Variants in ASIC2 observed in about 807,000 individuals in gnomAD.
ASIC2 encodes acid sensing ion channel subunit 2.
Under a neutral mutation model 57.3 loss-of-function variants are expected in ASIC2, and 25 were observed. The observed-to-expected ratio is 0.44, with a 90% CI of 0.32 to 0.61. The LOEUF (loss-of-function observed/expected upper bound fraction) is 0.61. Among genes scored for constraint, ASIC2 ranks in the 20% least tolerant of loss-of-function variants. The pLI, the probability that ASIC2 is intolerant of heterozygous loss-of-function variation, is 0.06. For synonymous variants in ASIC2, 319 were observed against 307.5 expected (o/e 1.04, Z -0.39); for missense variants, 641 against 738.1 (o/e 0.87, Z 1.52).
chr17:33,528,148 C>T (rs1914940366), intron 1 of ASIC2, among the ~76,000 whole-genome samples: 1 of 46,322 alleles, frequency 2.2e-5, no homozygotes, highest in Admixed American at 2.2e-4. Context: ...CTGGGCCTGG[C>T]TGACCCGTGT....
intron 1 of ASIC2, chr17:34,002,816 A>G (rs995349366): frequency 1.3e-5 from 2 of 152,206 alleles, no homozygotes; most frequent in Admixed American, 6.5e-5. Context: ...ATACTGACTG[A>G]TACCTCCACA....
At chr17:33,472,024 T>G (rs1343614870) in intron 1 of ASIC2, among the ~76,000 whole-genome samples, 1 of 148,712 alleles carries the variant, frequency 6.7e-6, no homozygotes, top group African/African-American at 2.5e-5. Context: ...ACTTTTCTTT[T>G]TTTTTTTTTT....
chr17:33,679,497 G>T (rs889854919), intron 1 of ASIC2, among the ~76,000 whole-genome samples: 2 of 152,180 alleles, frequency 1.3e-5, no homozygotes, highest in African/African-American at 4.8e-5. Context: ...GGGCTCTGTG[G>T]TCCTGGGAGA....
chr17:33,480,986 T>G (rs1913385632), intron 1 of ASIC2, among the ~76,000 whole-genome samples: 1 of 152,212 alleles, frequency 6.6e-6, no homozygotes, highest in Non-Finnish European at 1.5e-5. Flanking sequence ...TCAACTGTCT[T>G]CTGTCACCCA....
At chr17:33,543,546 G>C (rs558362988) in intron 1 of ASIC2, among the ~76,000 whole-genome samples, 2 of 152,270 alleles carry the variant, frequency 1.3e-5, no homozygotes, top group South Asian at 2.1e-4. Context: ...GCAAGCAATT[G>C]ATTGGCCTAT....
intron 1 of ASIC2, chr17:33,936,657 C>T (rs997353534): frequency 5.3e-5 from 8 of 152,310 alleles, no homozygotes; most frequent in African/African-American, 1.9e-4. Context: ...TGGAGCGCCC[C>T]GCAGAACCAC....
chr17:33,497,855 G>C (rs1342657580), intron 1 of ASIC2, among the ~76,000 whole-genome samples: 1 of 152,228 alleles, frequency 6.6e-6, no homozygotes, highest in Admixed American at 6.5e-5. Context: ...GGCACCTAGA[G>C]AGTGTCACTA....
chr17:33,055,747 A>G (rs552573666), intron 3 of ASIC2, among the ~76,000 whole-genome samples: 1 of 152,142 alleles, frequency 6.6e-6, no homozygotes, highest in East Asian at 1.9e-4. Flanking sequence ...CCCAGATGGC[A>G]CTGTTTGAGC....
At position 33,424,063 on chromosome 17, in the gene ASIC2, C is replaced by T. The variant is rs575827730; in HGVS notation, c.556-311996G>A. Among the ~76,000 whole-genome samples the T allele has an allele frequency of 3.3e-5, 5 of 152,288 alleles. No homozygotes were observed. In the South Asian group the frequency reaches 1.0e-3, roughly 32 times the overall value. On this transcript the variant is annotated intron_variant, in intron 1 of 9. Transcript: ENST00000359872. ...ACTCCCCTTCTACCCCAGGAGATGC[C>T]TTGGGGGGCTGGCATCATCTCTGCC...
At chr17:33,900,860 A>G (rs944442789) in intron 1 of ASIC2, among the ~76,000 whole-genome samples, 3 of 152,208 alleles carry the variant, frequency 2.0e-5, no homozygotes, top group Admixed American at 2.0e-4. Flanking sequence ...ACCTGCAAAC[A>G]GGATGCATGA....
chr17:33,645,033 T>C (rs1906697150), intron 1 of ASIC2, among the ~76,000 whole-genome samples: 1 of 152,214 alleles, frequency 6.6e-6, no homozygotes, highest in African/African-American at 2.4e-5. Context: ...GAAACATTAT[T>C]ATAGTTTATT....
intron 1 of ASIC2, among the ~76,000 whole-genome samples, chr17:33,403,485 G>T (rs1367392220): frequency 2.0e-5 from 3 of 152,280 alleles, no homozygotes; most frequent in South Asian, 4.2e-4. Context: ...GTTAAATTAA[G>T]ACTGTCTATC....
chr17:33,791,405 A>T (rs942978990), intron 1 of ASIC2, among the ~76,000 whole-genome samples: 1 of 152,306 alleles, frequency 6.6e-6, no homozygotes, highest in Admixed American at 6.5e-5. Flanking sequence ...CATGGTATAG[A>T]TTCCTTTTGC....
At chr17:33,936,181 G>A (rs1455266351) in intron 1 of ASIC2, 5 of 152,276 alleles carry the variant, frequency 3.3e-5, no homozygotes, top group African/African-American at 1.2e-4. Context: ...CAAGCTGAAA[G>A]TTTCGGACCC....
intron 1 of ASIC2, among the ~76,000 whole-genome samples, chr17:33,222,415 T>C (rs1364085242): frequency 6.6e-6 from 1 of 152,208 alleles, no homozygotes; most frequent in Non-Finnish European, 1.5e-5. Context: ...TACTTAGGGC[T>C]GTGGAGAATG....
At chr17:33,840,917 T>C (rs1411289313) in intron 1 of ASIC2, among the ~76,000 whole-genome samples, 1 of 152,020 alleles carries the variant, frequency 6.6e-6, no homozygotes, top group African/African-American at 2.4e-5. Flanking sequence ...TAGTCTGTCA[T>C]GAAGAAAGGA....
chr17:33,579,249 G>A (rs558983615), intron 1 of ASIC2, among the ~76,000 whole-genome samples: 1 of 142,500 alleles, frequency 7.0e-6, no homozygotes, highest in East Asian at 2.0e-4. Flanking sequence ...TCACACCATT[G>A]CACTCCAGCC....
At chr17:33,152,463 T>G (rs1187098949) in intron 1 of ASIC2, among the ~76,000 whole-genome samples, 1 of 152,084 alleles carries the variant, frequency 6.6e-6, no homozygotes, top group Non-Finnish European at 1.5e-5. Context: ...AAGGATGAAA[T>G]GATTCAGATA....
At chr17:34,137,779 C>G (rs1202172429) in intron 1 of ASIC2, among the ~76,000 whole-genome samples, 5 of 152,108 alleles carry the variant, frequency 3.3e-5, no homozygotes, top group African/African-American at 1.2e-4. Flanking sequence ...ATAGATGGTG[C>G]CTTCTAGCTG....
Sources: allele counts gnomAD v4.1 joint callset (sites outside exome capture counted in the v4.1 genomes callset), GRCh38; gene constraint gnomAD v4.1.1; transcripts MANE v1.5; gene names NCBI Gene and HGNC (gene_info 2026-07-23, HGNC 2026-07-21).